The following STK32B variants were observed in gnomAD, a reference collection of about 807,000 sequenced individuals.
STK32B encodes serine/threonine-protein kinase 32B.
In STK32B, 43 loss-of-function variants were observed where a neutral mutation model predicts 52.6. The ratio of observed to expected loss-of-function variants is 0.82; its 90% CI spans 0.64 to 1.05. STK32B has a LOEUF of 1.05. Among genes scored for constraint, STK32B ranks in the 50% least tolerant of loss-of-function variants. The pLI, the probability that STK32B is intolerant of heterozygous loss-of-function variation, is 0.00. For missense variants in STK32B, 621 were observed against 534.6 expected (o/e 1.16, Z -1.59); for synonymous variants, 238 against 204.3 (o/e 1.17, Z -1.41).
intron 3 of STK32B, among the ~76,000 whole-genome samples, chr4:5,314,073 T>C (rs1254683833): frequency 2.6e-5 from 4 of 151,966 alleles, no homozygotes; most frequent in Non-Finnish European, 4.4e-5. Context: ...AAACTTATTT[T>C]AAAATTAATG....
At chr4:5,468,098 G>T (rs938946685) in intron 11 of STK32B, 28 bp downstream of exon 11, 3 of 1,611,938 alleles carry the variant, frequency 1.9e-6, no homozygotes, top group Non-Finnish European at 2.5e-6. Flanking sequence ...TCCCCCTTGG[G>T]CAAAGCCTGT....
intron 3 of STK32B, among the ~76,000 whole-genome samples, chr4:5,200,483 C>T (rs1423543323): frequency 6.6e-6 from 1 of 152,142 alleles, no homozygotes; most frequent in Non-Finnish European, 1.5e-5. Context: ...CCAGTTGCTC[C>T]CACATGCTCC....
intron 3 of STK32B, among the ~76,000 whole-genome samples, chr4:5,242,189 AC>A (rs1363621091): frequency 6.6e-6 from 1 of 151,142 alleles, no homozygotes; most frequent in African/African-American, 2.4e-5. Context: ...TTACAGTCCC[AC>A]CAACAGTGTA....
intron 5 of STK32B, among the ~76,000 whole-genome samples, chr4:5,408,804 G>A (rs1354942802): frequency 6.6e-6 from 1 of 152,122 alleles, no homozygotes. Context: ...GAATGAGTTA[G>A]GAGCAGAGTA....
chr4:5,194,365 A>G (rs1461506193), intron 3 of STK32B, among the ~76,000 whole-genome samples: 1 of 152,240 alleles, frequency 6.6e-6, no homozygotes, highest in Non-Finnish European at 1.5e-5. Flanking sequence ...CAGAAAGAAC[A>G]GGGTGGAAGA....
chr4:5,357,339 G>A (rs942148959), intron 4 of STK32B, among the ~76,000 whole-genome samples: 8 of 133,634 alleles, frequency 6.0e-5, no homozygotes, highest in African/African-American at 1.0e-4. Flanking sequence ...CTGTGAGTAC[G>A]CTTTGAGCAC....
At chr4:5,447,096 A>G (rs1443601977) in intron 7 of STK32B, 1 of 217,774 alleles carries the variant, frequency 4.6e-6, no homozygotes, top group African/African-American at 2.3e-5. Context: ...TTGAACCCAC[A>G]ACACAAGGTC....
chr4:5,082,592 A>G (rs1267518368), intron 1 of STK32B, among the ~76,000 whole-genome samples: 2 of 152,186 alleles, frequency 1.3e-5, no homozygotes, highest in Non-Finnish European at 2.9e-5. Context: ...AAATGTAATG[A>G]CAACTCTAAC....
At chr4:5,326,716 T>C (rs1731903105) in intron 3 of STK32B, among the ~76,000 whole-genome samples, 1 of 152,200 alleles carries the variant, frequency 6.6e-6, no homozygotes, top group Admixed American at 6.5e-5. Context: ...TTTTTGCAGG[T>C]GGAGGGTCTT....
chr4:5,446,139 C>G lies in STK32B; in HGVS notation c.563-534C>G, dbSNP rs971407536. ...TCCATGCCCCCTCAGGGCATCCCATCTGCATTCCACCCGGTAGTGTCACGC... is the reference window on the plus strand; with the variant it reads ...TCCATGCCCCCTCAGGGCATCCCATGTGCATTCCACCCGGTAGTGTCACGC... On this transcript the variant is annotated intron_variant, in intron 6 of 11. Coordinates refer to ENST00000282908, the MANE Select transcript of STK32B (RefSeq NM_018401.3). Among the ~76,000 whole-genome samples, 5 of 152,254 alleles carry G rather than the reference C, an allele frequency of 3.3e-5. No individual in the cohort carries two copies. In the East Asian group the frequency reaches 9.6e-4, roughly 29 times the overall value.
intron 3 of STK32B, among the ~76,000 whole-genome samples, chr4:5,279,408 A>T (rs1039573318): frequency 6.6e-6 from 1 of 151,964 alleles, no homozygotes; most frequent in African/African-American, 2.4e-5. Flanking sequence ...CATCCAGGCC[A>T]CACTGATGCA....
chr4:5,297,949 C>A (rs1414716169), intron 3 of STK32B, among the ~76,000 whole-genome samples: 1 of 151,792 alleles, frequency 6.6e-6, no homozygotes, highest in Admixed American at 6.5e-5. Flanking sequence ...ATGCTGATGA[C>A]ATTTGGATGA....
intron 1 of STK32B, among the ~76,000 whole-genome samples, chr4:5,077,228 T>C (rs912725332): frequency 1.3e-5 from 2 of 152,134 alleles, no homozygotes; most frequent in South Asian, 4.1e-4. Flanking sequence ...TTTAATATGG[T>C]CCCCCATGTC....
At chr4:5,363,715 A>G (rs773919898) in intron 4 of STK32B, among the ~76,000 whole-genome samples, 1 of 152,132 alleles carries the variant, frequency 6.6e-6, no homozygotes, top group Non-Finnish European at 1.5e-5. Flanking sequence ...TATTGTGACT[A>G]TTTTTTGTTT....
chr4:5,096,555 A>AG (rs1208546282), intron 1 of STK32B, among the ~76,000 whole-genome samples: 1 of 152,194 alleles, frequency 6.6e-6, no homozygotes, highest in Non-Finnish European at 1.5e-5. Context: ...ATCTGTTGGA[A>AG]GGGCTACATT....
intron 3 of STK32B, among the ~76,000 whole-genome samples, chr4:5,182,430 A>G (rs1385012457): frequency 6.6e-6 from 1 of 152,108 alleles, no homozygotes; most frequent in Non-Finnish European, 1.5e-5. Context: ...GATCACTGGC[A>G]GCTGTAGCCT....
At chr4:5,173,852 A>G (rs557168501) in intron 3 of STK32B, among the ~76,000 whole-genome samples, 67 of 152,168 alleles carry the variant, frequency 4.4e-4, no homozygotes, top group African/African-American at 1.6e-3. Context: ...CAATTCCTGG[A>G]TATCCTTGTT....
chr4:5,495,607 C>T (rs185022732), intron 11 of STK32B, among the ~76,000 whole-genome samples: 20 of 152,306 alleles, frequency 1.3e-4, no homozygotes, highest in Admixed American at 2.0e-4. Context: ...AGCTTTGTTC[C>T]GTTGCTGGTG....
intron 6 of STK32B, chr4:5,438,015 G>A (rs113282326): frequency 6.1e-6 from 6 of 985,480 alleles, no homozygotes; most frequent in Non-Finnish European, 7.2e-6. Flanking sequence ...AGCCAGGACA[G>A]GATCACTCTG....
Sources: gnomAD v4.1 joint callset for allele counts (sites outside exome capture counted in the v4.1 genomes callset) on GRCh38, gnomAD v4.1.1 for gene constraint, MANE v1.5 for transcripts, NCBI Gene and HGNC (gene_info 2026-07-23, HGNC 2026-07-21) for gene names.